Variants in DHX8 observed in about 807,000 individuals in gnomAD.
DHX8 encodes the protein ATP-dependent RNA helicase DHX8.
DHX8 carries 67 observed loss-of-function variants against 140.7 expected under a neutral mutation model. The observed-to-expected ratio is 0.48, with a 90% confidence interval of 0.39 to 0.58. The LOEUF is 0.58. Among genes scored for constraint, DHX8 ranks in the 20% least tolerant of loss-of-function variants. DHX8 has a pLI of 0.00. For synonymous variants in DHX8, 533 were observed against 553.2 expected (o/e 0.96, Z 0.51); for missense variants, 887 against 1,550.7 (o/e 0.57, Z 7.19).
At position 43,507,108 on chromosome 17, in the gene DHX8, A is replaced by T; in HGVS notation, c.1834A>T (p.Lys612Ter). ...GGAGGCAGGCTACACTTCCAGGGGC[A>T]AGATTGGGTGTACCCAGCCCAGAAG... ...LAEAGYTSRG[K>*]IGCTQPRRVA... The change falls in exon 13 of 23, where the codon AAG becomes TAG. Residue 612 changes from lysine (K) to a stop codon, truncating the protein, a stop_gained. Transcript: ENST00000262415. LOFTEE classifies it high-confidence loss of function. 1 of 1,614,108 alleles carries T rather than the reference A, an allele frequency of 6.2e-7. No individual in the cohort carries two copies. Among genetic ancestry groups the T allele is most frequent in the Non-Finnish European group, 8.5e-7 (1 of 1,180,012 alleles).
chr17:43,527,058 C>A (rs1970639705), downstream of DHX8, among the ~76,000 whole-genome samples: 1 of 152,236 alleles, frequency 6.6e-6, no homozygotes, highest in African/African-American at 2.4e-5. Context: ...GTTTACATAG[C>A]AGCTGGCTCT....
At chr17:43,533,258 C>A (rs1171008035) in intron 2 of DHX8, 1 of 1,613,956 alleles carries the variant, frequency 6.2e-7, no homozygotes, top group Non-Finnish European at 8.5e-7. Context: ...AATTCCGTTG[C>A]TCTGCCCGGG....
intron 10 of DHX8, among the ~76,000 whole-genome samples, chr17:43,499,207 A>T (rs189182554): frequency 9.3e-4 from 142 of 152,230 alleles, no homozygotes; most frequent in African/African-American, 3.3e-3. Flanking sequence ...GGAATGCTTA[A>T]TCTGCCATCA....
At position 43,493,830 on chromosome 17, in the gene DHX8, C is replaced by G. The variant is rs370058622; in HGVS notation, c.1156C>G (p.Leu386Val). 1 of 1,614,216 alleles carries G rather than the reference C, an allele frequency of 6.2e-7. No homozygotes were observed. The highest frequency in any genetic ancestry group is 1.1e-5 in the South Asian group (1 of 91,090). The change falls in exon 8 of 23, where the codon CTG becomes GTG. Residue 386 changes from leucine (L) to valine (V), a missense_variant. Physicochemically the swap from Leu to Val is conservative, Grantham distance 32. Coordinates refer to ENST00000262415, the MANE Select transcript of DHX8 (RefSeq NM_004941.3). ...VSAPEVEDDS[L>V]ERKRLTRISD... is the part of the protein sequence containing the mutation. Reference sequence around the variant, plus strand: ...TGCTCCTGAAGTAGAGGACGACTCACTGGAACGCAAGCGCCTCACCCGAAT... The same window carrying G: ...TGCTCCTGAAGTAGAGGACGACTCAGTGGAACGCAAGCGCCTCACCCGAAT...
At position 43,507,550 on chromosome 17, in the gene DHX8, C is replaced by G. The variant is rs757070552; in HGVS notation, c.1971C>G (p.Val657=). ...AGGACTGCACTAGCCCTGAAACAGT[C>G]ATCAAGTACATGACAGATGGGATGT... ...RFEDCTSPET[V]IKYMTDGMLL... is the part of the protein sequence containing the mutation. The change falls in exon 14 of 23, where the codon GTC becomes GTG. Residue 657 remains valine, a synonymous_variant. Transcript: ENST00000262415. The G allele has an allele frequency of 2.5e-6, 4 of 1,614,120 alleles. No individual in the cohort carries two copies. Among genetic ancestry groups the G allele is most frequent in the Non-Finnish European group, 3.4e-6 (4 of 1,180,022 alleles).
chr17:43,542,421 C>G (rs1389456747), intron 3 of DHX8, among the ~76,000 whole-genome samples: 1 of 152,082 alleles, frequency 6.6e-6, no homozygotes. Flanking sequence ...GGATTCAGGG[C>G]TCCTGACAAG....
At chr17:43,485,296 G>A (rs1465114701) in intron 1 of DHX8, among the ~76,000 whole-genome samples, 1 of 152,164 alleles carries the variant, frequency 6.6e-6, no homozygotes, top group Non-Finnish European at 1.5e-5. Flanking sequence ...GAAGGGGCAG[G>A]TGACAGGAGG....
rs1297980909 is a variant in DHX8, at chr17:43,492,697, A to G, written c.520A>G (p.Lys174Glu). Residue 174 changes from lysine (K) to glutamate (E), a missense_variant, in exon 6 of 23, where the codon AAG (lysine) becomes GAG (glutamate). By Grantham distance (56) the Lys-to-Glu change is moderately conservative. Coordinates refer to ENST00000262415, the MANE Select transcript of DHX8 (RefSeq NM_004941.3). ...ATTTGTTAGGGACAGGACAAAGAAG[A>G]AGAAGCGGAGTCGAAGCCGAGATCG... ...DAEHRDRTKKKKRSRSRDRNR... is the reference protein window; with the variant it reads ...DAEHRDRTKKEKRSRSRDRNR... The G allele has an allele frequency of 1.9e-6, 3 of 1,573,442 alleles. No individual in the cohort carries two copies. Among genetic ancestry groups the G allele is most frequent in the Non-Finnish European group, 2.6e-6 (3 of 1,142,870 alleles).
intron 22 of DHX8, among the ~76,000 whole-genome samples, chr17:43,522,962 C>T (rs913568667): frequency 2.7e-5 from 4 of 149,210 alleles, no homozygotes; most frequent in Non-Finnish European, 5.9e-5. Context: ...ACTTGGGAGG[C>T]TGAGACATGA....
At chr17:43,538,924 G>C (rs1415903741) in intron 3 of DHX8, among the ~76,000 whole-genome samples, 3 of 152,044 alleles carry the variant, frequency 2.0e-5, no homozygotes, top group African/African-American at 7.2e-5. Context: ...GAGATGGCTA[G>C]AAAAAACCTC....
downstream of DHX8, chr17:43,529,390 C>G (rs918733258): frequency 7.7e-6 from 11 of 1,434,160 alleles, no homozygotes; most frequent in Admixed American, 1.8e-4. Context: ...GGCAAGAATT[C>G]AGGTTAGGTA....
chr17:43,512,168 C>T (rs1033500222), intron 16 of DHX8, among the ~76,000 whole-genome samples: 4 of 151,696 alleles, frequency 2.6e-5, no homozygotes, highest in African/African-American at 9.7e-5. Context: ...GCGGATGGAT[C>T]ATGAGGTCAG....
At chr17:43,498,191 C>A (rs1053604872) in intron 9 of DHX8, among the ~76,000 whole-genome samples, 2 of 151,282 alleles carry the variant, frequency 1.3e-5, no homozygotes, top group Non-Finnish European at 2.9e-5. Flanking sequence ...GTTGCCCAGG[C>A]TGGAGTGCAG....
intron 12 of DHX8, among the ~76,000 whole-genome samples, 180 bp downstream of exon 12, chr17:43,505,005 G>T (rs778138037): frequency 2.0e-5 from 3 of 152,108 alleles, no homozygotes; most frequent in African/African-American, 7.2e-5. Context: ...GGCTGGGCGC[G>T]GTAGTGGATG....
At position 43,524,684 on chromosome 17, in the gene DHX8, C is replaced by T; in HGVS notation, c.*837C>T. ...TCGCAATGTGCAGCATGTCCCATTT[C>T]CTTTTGAAACATACTAAGTAACAAC... On this transcript the variant is annotated 3_prime_UTR_variant, in exon 23 of 23. Coordinates refer to ENST00000262415, the MANE Select transcript of DHX8 (RefSeq NM_004941.3). The T allele has an allele frequency of 1.0e-6, 1 of 985,404 alleles. No homozygotes were observed. Among genetic ancestry groups the T allele is most frequent in the Non-Finnish European group, 1.2e-6 (1 of 829,938 alleles). The allele number at this position is 985,404 out of a possible 1,614,324, so 61.0% of individuals were successfully genotyped here.
At chr17:43,516,777 G>C (rs1330460985) in intron 17 of DHX8, among the ~76,000 whole-genome samples, 3 of 152,164 alleles carry the variant, frequency 2.0e-5, no homozygotes, top group African/African-American at 2.4e-5. Context: ...AATGACTGCA[G>C]AGTCATCATT....
At chr17:43,533,414 T>C (rs1971068531) in intron 2 of DHX8, 1 of 1,487,498 alleles carries the variant, frequency 6.7e-7, no homozygotes, top group Non-Finnish European at 9.2e-7. Flanking sequence ...GAACCCTTCA[T>C]TCCTAGGAAA....
At chr17:43,526,459 C>T (rs117074394), downstream of DHX8, 139 of 1,535,062 alleles carry the variant, frequency 9.1e-5, no homozygotes, top group East Asian at 3.1e-3. Context: ...CTTCATCCCG[C>T]CTGGACGTGA....
chr17:43,511,475 T>TTTTTTTTTTTTTTTTA (rs1969830286), intron 16 of DHX8, among the ~76,000 whole-genome samples: 3 of 140,722 alleles, frequency 2.1e-5, no homozygotes, highest in African/African-American at 2.6e-5. Context: ...TTTTTTTTTT[T>TTTTTTTTTTTTTTTTA]GAGACAGAGT....
Sources: allele counts gnomAD v4.1 joint callset (sites outside exome capture counted in the v4.1 genomes callset), GRCh38; gene constraint gnomAD v4.1.1; transcripts MANE v1.5; gene names NCBI Gene and HGNC (gene_info 2026-07-23, HGNC 2026-07-21).